The following CCDC158 variants were observed in gnomAD, a reference collection of about 807,000 sequenced individuals.
CCDC158 encodes the protein coiled-coil domain-containing protein 158.
CCDC158 carries 116 observed loss-of-function variants against 138.6 expected under a neutral mutation model. The ratio of observed to expected loss-of-function variants is 0.84; its 90% CI spans 0.72 to 0.98. The LOEUF is 0.98. CCDC158 is among the 50% of genes least tolerant of loss of function. The pLI is 0.00. For missense variants in CCDC158, 1,265 were observed against 1,306.1 expected, an observed-to-expected ratio of 0.97 and a Z score of 0.48; for synonymous variants, 436 against 442.4, an observed-to-expected ratio of 0.99 and a Z score of 0.18.
intron 2 of CCDC158, among the ~76,000 whole-genome samples, chr4:76,408,342 C>A (rs1309450030): frequency 7.2e-5 from 11 of 152,056 alleles, no homozygotes; most frequent in African/African-American, 2.7e-4. Context: ...CCCGCTCCCC[C>A]CACCCCACAA....
At chr4:76,421,765 C>A (rs561081759), upstream of CCDC158, 2 of 148,544 alleles carry the variant, frequency 1.3e-5, no homozygotes, top group African/African-American at 4.9e-5. Flanking sequence ...TTTTCTCTGT[C>A]CCCGAATGTT....
chr4:76,357,138 C>G (rs1280609971), intron 14 of CCDC158, among the ~76,000 whole-genome samples: 1 of 152,084 alleles, frequency 6.6e-6, no homozygotes, highest in Non-Finnish European at 1.5e-5. Context: ...ACTGAAATAG[C>G]CACTAGAAAG....
intron 1 of CCDC158, chr4:76,414,216 C>G (rs1249416799): frequency 2.0e-5 from 3 of 152,082 alleles, no homozygotes; most frequent in Non-Finnish European, 4.4e-5. Flanking sequence ...AAGTTTTTTT[C>G]CTTTAACATT....
upstream of CCDC158, among the ~76,000 whole-genome samples, chr4:76,421,283 G>A (rs1156688036): frequency 6.6e-6 from 1 of 152,014 alleles, no homozygotes; most frequent in African/African-American, 2.4e-5. Context: ...GCTGCCCGGC[G>A]GGGACCCCTC....
intron 18 of CCDC158, among the ~76,000 whole-genome samples, chr4:76,339,039 A>G (rs1721806010): frequency 6.6e-6 from 1 of 152,164 alleles, no homozygotes; most frequent in Non-Finnish European, 1.5e-5. Context: ...CAAATTCTCG[A>G]AGCCCTCTTT....
intron 1 of CCDC158, among the ~76,000 whole-genome samples, 46 bp downstream of exon 1, chr4:76,420,919 C>A (rs1344393395): frequency 6.6e-6 from 1 of 152,188 alleles, no homozygotes; most frequent in Non-Finnish European, 1.5e-5. Context: ...AAGAACCCCA[C>A]TCCCACCCCA....
At chr4:76,377,716 T>C (rs1560446986) in intron 9 of CCDC158, among the ~76,000 whole-genome samples, 1 of 152,214 alleles carries the variant, frequency 6.6e-6, no homozygotes, top group African/African-American at 2.4e-5. Context: ...CTTTTGTTTG[T>C]TGAGTGTACC....
At chr4:76,405,934 A>G (rs1157033106) in intron 2 of CCDC158, among the ~76,000 whole-genome samples, 3 of 152,204 alleles carry the variant, frequency 2.0e-5, no homozygotes, top group African/African-American at 7.2e-5. Context: ...TAACACATTC[A>G]GTAATTACAC....
chr4:76,399,867 A>AGTTGACAG (rs1245246249), intron 3 of CCDC158, among the ~76,000 whole-genome samples: 2 of 152,100 alleles, frequency 1.3e-5, no homozygotes, highest in African/African-American at 4.8e-5. Context: ...GGGGCAGAGG[A>AGTTGACAG]GTTGACAGTG....
chr4:76,357,202 A>G (rs1723655740), intron 14 of CCDC158, among the ~76,000 whole-genome samples, 172 bp downstream of exon 14: 1 of 152,220 alleles, frequency 6.6e-6, no homozygotes, highest in Non-Finnish European at 1.5e-5. Context: ...TTTCCTAAAA[A>G]CAATTAACTA....
Position 76,377,338 on chromosome 4 carries a change from A to G in CCDC158, c.1029+1952T>C, listed in dbSNP as rs567494975. ...AAAAGTTTGTCAATAGACAATGAGT[A>G]CTTAATCTTTCCAAAATGATTTGTG... On this transcript the variant is annotated intron_variant, in intron 9 of 24. Coordinates refer to ENST00000682701, the MANE Select transcript of CCDC158 (RefSeq NM_001394954.1). 3.3e-4 allele frequency among the ~76,000 whole-genome samples: 51 copies of G among 152,358 alleles called. No individual in the cohort carries two copies. The South Asian group carries it at 9.7e-3, about 29-fold the overall frequency.
intron 2 of CCDC158, among the ~76,000 whole-genome samples, chr4:76,411,368 C>G (rs980698045): frequency 6.6e-5 from 10 of 152,044 alleles, no homozygotes; most frequent in African/African-American, 2.4e-4. Flanking sequence ...CCACTGCACT[C>G]CAGCCTGGGT....
At chr4:76,347,298 C>T (rs1349738348) in intron 18 of CCDC158, among the ~76,000 whole-genome samples, 1 of 152,094 alleles carries the variant, frequency 6.6e-6, no homozygotes, top group Non-Finnish European at 1.5e-5. Flanking sequence ...CAATGATAGA[C>T]TGGATAATGT....
chr4:76,392,911 C>T (rs1312678790), intron 4 of CCDC158, among the ~76,000 whole-genome samples: 1 of 151,278 alleles, frequency 6.6e-6, no homozygotes, highest in Non-Finnish European at 1.5e-5. Context: ...AAATGAAATA[C>T]TAGGAATTAA....
rs185931152 is a variant in CCDC158 at position 76,392,161 on chromosome 4, C to T, written c.288+4108G>A. On this transcript the variant is annotated intron_variant, in intron 4 of 24. Coordinates refer to ENST00000682701, the MANE Select transcript of CCDC158 (RefSeq NM_001394954.1). ...CCCTGATACCAAAACCAGACAAAGA[C>T]ACATCAAAAAAAGAAAACTACAGGT... Among the ~76,000 whole-genome samples, 672 of 151,900 alleles carry T rather than the reference C, an allele frequency of 4.4e-3. 4 individuals carry two copies. Among genetic ancestry groups the T allele is most frequent in the African/African-American group, 0.015 (613 of 41,510 alleles).
At chr4:76,390,935 A>G (rs1442755275) in intron 4 of CCDC158, among the ~76,000 whole-genome samples, 1 of 152,080 alleles carries the variant, frequency 6.6e-6, no homozygotes, top group Admixed American at 6.5e-5. Flanking sequence ...AGGATGTAAC[A>G]ATTTAAAATA....
At chr4:76,380,035 A>T (rs1267015740) in intron 8 of CCDC158, among the ~76,000 whole-genome samples, 2 of 152,152 alleles carry the variant, frequency 1.3e-5, no homozygotes, top group Non-Finnish European at 2.9e-5. Flanking sequence ...TGATTTGTTA[A>T]GCCTGTGGAA....
chr4:76,384,654 CA>C lies in CCDC158; in HGVS notation c.299del (p.Leu100CysfsTer9). The C allele has an allele frequency of 6.2e-7, 1 of 1,609,526 alleles. No individual in the cohort carries two copies. Among genetic ancestry groups the C allele is most frequent in the Non-Finnish European group, 8.5e-7 (1 of 1,177,448 alleles). ...LQRRLNESNELHEKQKFYLRQ... is the reference protein window; with the variant it reads ...LQRRLNESNEXHEKQKFYLRQ... ...TCAAATAAAACTTTTGTTTCTCATGCAATTCATTGCTCTGAAAAAAAAAGCC... is the reference window on the plus strand; with the variant it reads ...TCAAATAAAACTTTTGTTTCTCATGCATTCATTGCTCTGAAAAAAAAAGCC... On this transcript the variant is annotated frameshift_variant, in exon 5 of 25. Coordinates refer to ENST00000682701, the MANE Select transcript of CCDC158 (RefSeq NM_001394954.1). LOFTEE classifies it high-confidence loss of function.
At chr4:76,330,068 ATT>A (rs1170042280) in intron 21 of CCDC158, among the ~76,000 whole-genome samples, 2 of 152,154 alleles carry the variant, frequency 1.3e-5, no homozygotes, top group Admixed American at 6.5e-5. Flanking sequence ...AAGGAAGCAG[ATT>A]TTTCTAGTCA....
Sources: allele counts gnomAD v4.1 joint callset (sites outside exome capture counted in the v4.1 genomes callset), GRCh38; gene constraint gnomAD v4.1.1; transcripts MANE v1.5; gene names NCBI Gene and HGNC (gene_info 2026-07-23, HGNC 2026-07-21).